Variants in SLC9C1 observed in about 807,000 individuals in gnomAD.
SLC9C1 encodes sodium/hydrogen exchanger 10.
SLC9C1 carries 97 observed loss-of-function variants against 140.9 expected under a neutral mutation model. That is an observed-to-expected ratio of 0.69 (90% CI 0.58 to 0.82). The LOEUF (loss-of-function observed/expected upper bound fraction) is 0.82. Ranked by LOEUF, SLC9C1 falls within the 40% of genes least tolerant of loss-of-function variation. The probability of loss-of-function intolerance (pLI) is 0.00; values close to 1 mark genes in which losing one functional copy is unlikely to be tolerated. For missense variants in SLC9C1, 1,340 were observed against 1,389.3 expected (o/e 0.96, Z 0.56); for synonymous variants, 440 against 442.6 (o/e 0.99, Z 0.07).
chr3:112,176,280 G>T (rs888823116), intron 23 of SLC9C1, among the ~76,000 whole-genome samples: 1 of 152,228 alleles, frequency 6.6e-6, no homozygotes, highest in African/African-American at 2.4e-5. Flanking sequence ...CAGGTGGGTG[G>T]TCATCCTGCC....
At chr3:112,167,396 T>C (rs1340171765) in intron 25 of SLC9C1, 49 bp from the exon 26 acceptor site, 1 of 1,518,528 alleles carries the variant, frequency 6.6e-7, no homozygotes, top group Non-Finnish European at 8.8e-7. Flanking sequence ...TATCCTACAA[T>C]TAAAAATTTA....
intron 5 of SLC9C1, among the ~76,000 whole-genome samples, chr3:112,276,591 G>T (rs1474751876): frequency 6.6e-6 from 1 of 151,978 alleles, no homozygotes; most frequent in Non-Finnish European, 1.5e-5. Context: ...AAATAACCTT[G>T]CAAGGTACTC....
chr3:112,190,964 C>CACACAT lies in SLC9C1; in HGVS notation c.2523+8356_2523+8357insATGTGT, dbSNP rs1491260690. ...ACACACACACACACACACACACACA[C>CACACAT]ATATATATATATGGCTTTGTAAGTG... On this transcript the variant is annotated intron_variant, in intron 20 of 28. Coordinates refer to ENST00000305815, the MANE Select transcript of SLC9C1 (RefSeq NM_183061.3). Among the ~76,000 whole-genome samples the CACACAT allele has an allele frequency of 2.1e-4, 19 of 89,130 alleles. No homozygotes were observed. The East Asian group carries it at 2.3e-3, about 11-fold the overall frequency. 58.5% of individuals were successfully genotyped at this position (89,130 alleles called of 152,430 possible). A position where few individuals can be genotyped will look rare whatever the true frequency, so the allele number is the denominator to read the frequency against.
chr3:112,162,728 T>G (rs1315221627), intron 26 of SLC9C1, among the ~76,000 whole-genome samples: 2 of 150,522 alleles, frequency 1.3e-5, no homozygotes, highest in African/African-American at 2.5e-5. Flanking sequence ...TGGTCTAAAA[T>G]TCTCTTTTTT....
intron 8 of SLC9C1, among the ~76,000 whole-genome samples, chr3:112,265,155 G>T (rs1403830487): frequency 6.6e-6 from 1 of 151,956 alleles, no homozygotes; most frequent in East Asian, 1.9e-4. Flanking sequence ...AAATCACTTC[G>T]AGGTTCAGAG....
At chr3:112,216,591 A>C (rs375696294) in intron 15 of SLC9C1, among the ~76,000 whole-genome samples, 2 of 151,974 alleles carry the variant, frequency 1.3e-5, no homozygotes, top group South Asian at 2.1e-4. Context: ...ATGCAGCCAA[A>C]AGACACATGA....
intron 26 of SLC9C1, among the ~76,000 whole-genome samples, chr3:112,155,458 G>A (rs529261006): frequency 2.8e-4 from 42 of 152,104 alleles, no homozygotes; most frequent in Non-Finnish European, 4.1e-4. Context: ...GAAATATGAC[G>A]TGGTAAAAAC....
At position 112,216,314 on chromosome 3, in the gene SLC9C1, A is replaced by C. The variant is rs1351783197; in HGVS notation, c.1790+1128T>G. Among the ~76,000 whole-genome samples the C allele has an allele frequency of 2.0e-5, 3 of 152,312 alleles. No individual in the cohort carries two copies. The East Asian group carries it at 5.8e-4, about 29-fold the overall frequency. ...GGCATGGGCAAGGACTTCAGGACTA[A>C]AACACCAAAAGCAATGGCAACAAAA... On this transcript the variant is annotated intron_variant, in intron 15 of 28. Transcript: ENST00000305815.
At chr3:112,279,027 G>C in intron 3 of SLC9C1, 170 bp from the exon 4 acceptor site, 2 of 547,096 alleles carry the variant, frequency 3.7e-6, no homozygotes, top group Non-Finnish European at 6.0e-6. Flanking sequence ...AATTGGCCAT[G>C]GCTTATGTAG....
At chr3:112,288,674 G>T (rs2080590889) in intron 1 of SLC9C1, among the ~76,000 whole-genome samples, 1 of 152,190 alleles carries the variant, frequency 6.6e-6, no homozygotes, top group African/African-American at 2.4e-5. Context: ...GTGGGACATT[G>T]TTTTGAGCCC....
intron 2 of SLC9C1, among the ~76,000 whole-genome samples, chr3:112,284,227 A>G (rs7625173): frequency 0.61 from 93,099 of 152,094 alleles, 28,762 homozygotes; most frequent in East Asian, 0.78. Context: ...TTGCTTCAAC[A>G]TCTTTCAGTT....
rs559499331 is a variant in SLC9C1, at chr3:112,213,360, T to G, written c.1790+4082A>C. On this transcript the variant is annotated intron_variant, in intron 15 of 28. Coordinates refer to ENST00000305815, the MANE Select transcript of SLC9C1 (RefSeq NM_183061.3). ...GGATCAAATCCACACATAACAATATTAACCTTAAATATAAATGGGCTAAAT... is the reference window on the plus strand; with the variant it reads ...GGATCAAATCCACACATAACAATATGAACCTTAAATATAAATGGGCTAAAT... Among the ~76,000 whole-genome samples the G allele has an allele frequency of 7.9e-5, 12 of 152,222 alleles. No homozygotes were observed. In the East Asian group the frequency reaches 2.1e-3, roughly 27 times the overall value.
At chr3:112,268,632 CTTTG>C (rs776496935) in intron 7 of SLC9C1, among the ~76,000 whole-genome samples, 3 of 152,160 alleles carry the variant, frequency 2.0e-5, no homozygotes, top group Non-Finnish European at 4.4e-5. Context: ...GTCTTGCTGA[CTTTG>C]TTTACCAATT....
At chr3:112,259,577 G>A (rs1394529336) in intron 10 of SLC9C1, among the ~76,000 whole-genome samples, 1 of 152,086 alleles carries the variant, frequency 6.6e-6, no homozygotes, top group African/African-American at 2.4e-5. Context: ...TAAACATTGA[G>A]TACACATGGA....
chr3:112,233,639 C>T (rs193014039), intron 12 of SLC9C1, among the ~76,000 whole-genome samples: 30 of 135,124 alleles, frequency 2.2e-4, no homozygotes, highest in African/African-American at 8.0e-4. Context: ...CCAACCCCCA[C>T]CCCACAGCAG....
chr3:112,241,239 T>C (rs1227327475), intron 11 of SLC9C1, among the ~76,000 whole-genome samples: 1 of 152,232 alleles, frequency 6.6e-6, no homozygotes, highest in African/African-American at 2.4e-5. Context: ...CTATTCCCTA[T>C]GATGTGCTTA....
intron 27 of SLC9C1, among the ~76,000 whole-genome samples, chr3:112,153,059 G>A (rs944469213): frequency 5.3e-4 from 80 of 152,298 alleles, no homozygotes; most frequent in African/African-American, 1.9e-3. Flanking sequence ...TGGTAATGAT[G>A]AGGAAAGGGT....
intron 10 of SLC9C1, among the ~76,000 whole-genome samples, chr3:112,259,416 TAAA>T (rs71134817): frequency 5.5e-5 from 7 of 126,648 alleles, no homozygotes; most frequent in Non-Finnish European, 8.3e-5. Flanking sequence ...TTTACCTATC[TAAA>T]AAAAAAAAAA....
At chr3:112,255,802 T>C (rs1289536404) in intron 10 of SLC9C1, among the ~76,000 whole-genome samples, 4 of 151,918 alleles carry the variant, frequency 2.6e-5, no homozygotes, top group African/African-American at 9.7e-5. Flanking sequence ...TGGTTCTTTT[T>C]ATTTATGAAA....
Sources: allele counts gnomAD v4.1 joint callset (sites outside exome capture counted in the v4.1 genomes callset), GRCh38; gene constraint gnomAD v4.1.1; transcripts MANE v1.5; gene names NCBI Gene and HGNC (gene_info 2026-07-23, HGNC 2026-07-21).